PTPRN2: variants seen among roughly 807,000 people sequenced by gnomAD.
The protein encoded by PTPRN2 is protein tyrosine phosphatase receptor type N2.
Under a neutral mutation model 118.8 loss-of-function variants are expected in PTPRN2, and 74 were observed. That is an observed-to-expected ratio of 0.62 (90% confidence interval 0.52 to 0.76). The LOEUF (loss-of-function observed/expected upper bound fraction) is 0.76, where lower values mean the gene tolerates loss of function less well. Ranked by LOEUF, PTPRN2 falls within the 30% of genes least tolerant of loss-of-function variation. PTPRN2 has a pLI of 0.00. For missense variants in PTPRN2, 1,481 were observed against 1,394.4 expected (o/e 1.06, Z -0.99); for synonymous variants, 641 against 608.0 (o/e 1.05, Z -0.80).
At chr7:157,691,118 C>A (rs1172696848) in intron 12 of PTPRN2, among the ~76,000 whole-genome samples, 1 of 137,170 alleles carries the variant, frequency 7.3e-6, no homozygotes, top group Non-Finnish European at 1.6e-5. Context: ...GGGGCCGCGG[C>A]TCTCCAAACA....
chr7:158,134,231 C>A (rs188242585), intron 8 of PTPRN2, among the ~76,000 whole-genome samples, 172 bp from the exon 9 acceptor site: 11 of 152,288 alleles, frequency 7.2e-5, no homozygotes, highest in Admixed American at 2.0e-4. Context: ...TGATGTCTAG[C>A]CGAGCATGAG....
Position 157,585,027 on chromosome 7 carries a change from T to C in PTPRN2, c.2497-6887A>G, listed in dbSNP as rs139181814. ...CGTGATGCCGTCCATGACCAGCTCA[T>C]GGTGCACCTACCTGGCTTTTTTTTA... On this transcript the variant is annotated intron_variant, in intron 17 of 22. Coordinates refer to ENST00000389418, the MANE Select transcript of PTPRN2 (RefSeq NM_002847.5). This position sits in a 1 kb window ranked among gnomAD's most constrained non-coding sequence, Gnocchi z 5.2. Among the ~76,000 whole-genome samples, 437 of 152,274 alleles carry C rather than the reference T, an allele frequency of 2.9e-3. 4 individuals are homozygous for C. Among genetic ancestry groups the C allele is most frequent in the African/African-American group, 0.01 (417 of 41,544 alleles).
rs1585276128 is a variant in PTPRN2 at position 158,051,105 on chromosome 7, A to T, written c.1723+30193T>A. On this transcript the variant is annotated intron_variant, in intron 11 of 22. Coordinates refer to ENST00000389418, the MANE Select transcript of PTPRN2 (RefSeq NM_002847.5). ...GAAGCCACAGATGCTAGCAGTGCCCATGGGGGGCATCTGCAGGGGGCATCT... is the reference window on the plus strand; with the variant it reads ...GAAGCCACAGATGCTAGCAGTGCCCTTGGGGGGCATCTGCAGGGGGCATCT... Among the ~76,000 whole-genome samples, 6 of 152,302 alleles carry T rather than the reference A, an allele frequency of 3.9e-5. No homozygotes were observed. In the South Asian group the frequency reaches 1.2e-3, roughly 32 times the overall value.
chr7:157,981,023 G>A (rs1244002487), intron 11 of PTPRN2, among the ~76,000 whole-genome samples: 2 of 151,886 alleles, frequency 1.3e-5, no homozygotes, highest in East Asian at 1.9e-4. Flanking sequence ...ACGGAGCCCC[G>A]CCTCCCACAC....
At chr7:158,443,196 G>A (rs1246408259) in intron 2 of PTPRN2, among the ~76,000 whole-genome samples, 2 of 152,154 alleles carry the variant, frequency 1.3e-5, no homozygotes, top group African/African-American at 4.8e-5. Flanking sequence ...GCAGAGGCAG[G>A]AGCGGAGGCT....
intron 6 of PTPRN2, among the ~76,000 whole-genome samples, chr7:158,152,116 G>A (rs1821246324): frequency 7.0e-6 from 1 of 143,780 alleles, no homozygotes; most frequent in Admixed American, 7.5e-5. Flanking sequence ...GGAGCTTGCA[G>A]TGAGCCGAGA....
Position 157,548,841 on chromosome 7 carries a change from G to C in PTPRN2, c.2976+105C>G. 3 of 1,145,274 alleles carry C rather than the reference G, an allele frequency of 2.6e-6. No individual in the cohort carries two copies. The South Asian group carries it at 3.8e-5, about 14-fold the overall frequency. The allele number at this position is 1,145,274 out of a possible 1,614,324, so 70.9% of individuals were successfully genotyped here. On this transcript the variant is annotated intron_variant, in intron 22 of 22. Transcript: ENST00000389418. Reference sequence around the variant, plus strand: ...GGCCGGTCAGAGCAGAGCAATCGGTGTGCGGCTCACATTAAACCAGGCCCT... The same window carrying C: ...GGCCGGTCAGAGCAGAGCAATCGGTCTGCGGCTCACATTAAACCAGGCCCT...
chr7:158,111,181 A>G (rs1443970749), intron 9 of PTPRN2, among the ~76,000 whole-genome samples: 5 of 152,100 alleles, frequency 3.3e-5, no homozygotes, highest in African/African-American at 1.2e-4. Flanking sequence ...AAAATACAAT[A>G]AAGGGGAGAA....
At chr7:157,846,415 C>T (rs191118131) in intron 12 of PTPRN2, among the ~76,000 whole-genome samples, 1 of 152,068 alleles carries the variant, frequency 6.6e-6, no homozygotes, top group Non-Finnish European at 1.5e-5. Flanking sequence ...AAATGACGCT[C>T]TAAAAATGCA....
At chr7:158,169,962 G>A (rs907570080) in intron 5 of PTPRN2, among the ~76,000 whole-genome samples, 8 of 152,146 alleles carry the variant, frequency 5.3e-5, no homozygotes, top group African/African-American at 1.9e-4. Context: ...AAAGTGCTGG[G>A]ATTACAGTCA....
intron 6 of PTPRN2, among the ~76,000 whole-genome samples, chr7:158,153,796 T>C (rs556465873): frequency 6.6e-6 from 1 of 151,404 alleles, no homozygotes; most frequent in Non-Finnish European, 1.5e-5. Flanking sequence ...TGAGACAAGG[T>C]CAGAGGCAGG....
intron 12 of PTPRN2, among the ~76,000 whole-genome samples, chr7:157,789,546 GACA>G (rs1359110593): frequency 1.3e-5 from 2 of 152,256 alleles, no homozygotes; most frequent in African/African-American, 4.8e-5. Context: ...AGTGTTACCT[GACA>G]ACAAGGGAAT....
intron 11 of PTPRN2, among the ~76,000 whole-genome samples, chr7:157,928,388 T>G (rs1384772582): frequency 1.3e-5 from 2 of 152,140 alleles, no homozygotes; most frequent in Non-Finnish European, 2.9e-5. Context: ...ACTGGTCTGG[T>G]TCCTTTCCCT....
chr7:157,836,844 A>G (rs1314601767), intron 12 of PTPRN2, among the ~76,000 whole-genome samples: 1 of 151,982 alleles, frequency 6.6e-6, no homozygotes, highest in South Asian at 2.1e-4. Context: ...CTGTGTGTCC[A>G]TTCATCCATC....
At chr7:158,184,157 A>C (rs1449900387) in intron 5 of PTPRN2, among the ~76,000 whole-genome samples, 1 of 152,048 alleles carries the variant, frequency 6.6e-6, no homozygotes, top group African/African-American at 2.4e-5. Flanking sequence ...TCTAGTTATC[A>C]ATTTTTTTTA....
chr7:158,391,956 T>C (rs896766), intron 2 of PTPRN2, among the ~76,000 whole-genome samples: 148,151 of 152,332 alleles, frequency 0.97, 72,076 homozygotes, highest in African/African-American at 0.99. Flanking sequence ...CGCCTGTGAG[T>C]CGAGAGTCCT....
At chr7:157,853,261 G>T (rs543546099) in intron 12 of PTPRN2, among the ~76,000 whole-genome samples, 8 of 152,206 alleles carry the variant, frequency 5.3e-5, no homozygotes, top group Non-Finnish European at 7.3e-5. Flanking sequence ...ACGCTCACAT[G>T]ATGACGGCCG....
At chr7:158,433,366 C>G (rs1479413424) in intron 2 of PTPRN2, among the ~76,000 whole-genome samples, 1 of 152,142 alleles carries the variant, frequency 6.6e-6, no homozygotes, top group Non-Finnish European at 1.5e-5. Flanking sequence ...CAGATACGAA[C>G]CAAGCTGCTA....
At chr7:158,220,284 A>C (rs1295640504) in intron 3 of PTPRN2, among the ~76,000 whole-genome samples, 1 of 152,008 alleles carries the variant, frequency 6.6e-6, no homozygotes, top group Non-Finnish European at 1.5e-5. Flanking sequence ...CACTCTCATC[A>C]CTCCTATTCA....
Sources: allele counts gnomAD v4.1 joint callset (sites outside exome capture counted in the v4.1 genomes callset), GRCh38; gene constraint gnomAD v4.1.1; non-coding constraint Gnocchi (gnomAD v3.1); transcripts MANE v1.5; gene names NCBI Gene and HGNC (gene_info 2026-07-23, HGNC 2026-07-21).